Variants in ADGRV1 observed in about 807,000 individuals in gnomAD.
ADGRV1 encodes adhesion G protein-coupled receptor V1, also known as G-protein coupled receptor 98.
A neutral mutation model predicts 596.2 loss-of-function variants in ADGRV1; 359 were observed. The observed-to-expected ratio is 0.60, with a 90% CI of 0.55 to 0.66. ADGRV1 has a LOEUF of 0.66. ADGRV1 is among the 30% of genes least tolerant of loss of function. The pLI is 0.00. For synonymous variants in ADGRV1, 2,681 were observed against 2,679.2 expected (o/e 1.00, Z -0.02); for missense variants, 7,274 against 7,575.6 (o/e 0.96, Z 1.48).
In ADGRV1 at chr5:90,788,062, A is replaced by T; in HGVS notation, c.13654-9A>T. The T allele has an allele frequency of 6.3e-7, 1 of 1,579,676 alleles. No homozygotes were observed. The highest frequency in any genetic ancestry group is 8.6e-7 in the Non-Finnish European group (1 of 1,164,678). ...TTAAAGAAATACCAAAACCAAAAAC[A>T]TCCCGCAGGTGAACTGGGAGACAGT... is the stretch of plus-strand genomic sequence containing the variant. On this transcript the variant is annotated splice_polypyrimidine_tract_variant and intron_variant, in intron 67 of 89. Coordinates refer to ENST00000405460, the MANE Select transcript of ADGRV1 (RefSeq NM_032119.4).
chr5:90,780,668 TTTC>T (rs1416073337), intron 64 of ADGRV1, among the ~76,000 whole-genome samples: 1 of 152,148 alleles, frequency 6.6e-6, no homozygotes, highest in Non-Finnish European at 1.5e-5. Context: ...AATACTTTTC[TTTC>T]TTTTTTATTT....
intron 85 of ADGRV1, among the ~76,000 whole-genome samples, chr5:91,072,108 G>T (rs1428559102): frequency 6.6e-6 from 1 of 152,112 alleles, no homozygotes; most frequent in Non-Finnish European, 1.5e-5. Flanking sequence ...TTGACTCCAT[G>T]ACTTTCTGTG....
chr5:90,892,481 C>T (rs995092872), intron 83 of ADGRV1, among the ~76,000 whole-genome samples: 1 of 151,940 alleles, frequency 6.6e-6, no homozygotes, highest in African/African-American at 2.4e-5. Flanking sequence ...ATCCATTAAT[C>T]AAATACATTT....
chr5:90,701,017 T>G (rs1281592001), intron 34 of ADGRV1, among the ~76,000 whole-genome samples: 1 of 152,156 alleles, frequency 6.6e-6, no homozygotes. Context: ...ATTCATATTC[T>G]TTATCTGCAT....
At chr5:90,911,831 A>G (rs1253038537) in intron 83 of ADGRV1, among the ~76,000 whole-genome samples, 1 of 151,902 alleles carries the variant, frequency 6.6e-6, no homozygotes, top group Non-Finnish European at 1.5e-5. Flanking sequence ...TCTTCCCAGG[A>G]AGTTGATTAA....
intron 86 of ADGRV1, among the ~76,000 whole-genome samples, chr5:91,075,756 G>A (rs941869022): frequency 1.3e-5 from 2 of 152,020 alleles, no homozygotes; most frequent in Non-Finnish European, 2.9e-5. Context: ...AAAATATAAA[G>A]TGGATTTTCT....
chr5:90,996,727 C>T (rs1183908579), intron 85 of ADGRV1, among the ~76,000 whole-genome samples: 1 of 152,206 alleles, frequency 6.6e-6, no homozygotes, highest in Non-Finnish European at 1.5e-5. Context: ...CAATGCCAGC[C>T]CATGAAAGCA....
At chr5:91,059,871 G>A (rs932857120) in intron 85 of ADGRV1, among the ~76,000 whole-genome samples, 1 of 151,856 alleles carries the variant, frequency 6.6e-6, no homozygotes, top group Non-Finnish European at 1.5e-5. Context: ...AACATTGCAG[G>A]ACACATAAAA....
At position 91,153,287 on chromosome 5, in the gene ADGRV1, A is replaced by G. The variant is rs1796209960; in HGVS notation, c.18691A>G (p.Ser6231Gly). The G allele has an allele frequency of 6.2e-7, 1 of 1,610,400 alleles. No individual in the cohort carries two copies. Among genetic ancestry groups the G allele is most frequent in the Non-Finnish European group, 8.5e-7 (1 of 1,178,368 alleles). Reference sequence around the variant, plus strand: ...TCAGGCCAGCCCTGATTTAAAGCCAAGTCCACAAAATGGAGCCACGTTCCC... The same window carrying G: ...TCAGGCCAGCCCTGATTTAAAGCCAGGTCCACAAAATGGAGCCACGTTCCC... ...GSQASPDLKPSPQNGATFPSS... is the reference protein window; with the variant it reads ...GSQASPDLKPGPQNGATFPSS... The change falls in exon 89 of 90, where the codon AGT (serine) becomes GGT (glycine). Residue 6231 changes from serine to glycine, a missense_variant. Ser to Gly is a moderately conservative substitution (Grantham distance 56). This residue lies in a region of ADGRV1 where 1,874 missense variants were observed against 1,970.2 expected (regional missense o/e 0.95). Transcript: ENST00000405460.
At chr5:91,106,895 C>T (rs1293311252) in intron 87 of ADGRV1, among the ~76,000 whole-genome samples, 1 of 152,120 alleles carries the variant, frequency 6.6e-6, no homozygotes, top group African/African-American at 2.4e-5. Flanking sequence ...GGAAGAGAAC[C>T]TGGATAGGGT....
At chr5:91,092,345 C>T (rs773590473) in intron 86 of ADGRV1, among the ~76,000 whole-genome samples, 11 of 152,186 alleles carry the variant, frequency 7.2e-5, no homozygotes, top group African/African-American at 1.7e-4. Flanking sequence ...GTGATCCACC[C>T]GCCTCAGCCT....
intron 75 of ADGRV1, chr5:90,822,271 G>C (rs938890620): frequency 6.5e-6 from 1 of 153,870 alleles, no homozygotes; most frequent in Non-Finnish European, 1.4e-5. Flanking sequence ...GCCCTGGTTC[G>C]GCTCGCGCAC....
At chr5:90,610,924 G>A (rs1762657842) in intron 1 of ADGRV1, among the ~76,000 whole-genome samples, 1 of 151,890 alleles carries the variant, frequency 6.6e-6, no homozygotes, top group South Asian at 2.1e-4. Context: ...GGGAGAACTT[G>A]CCCCAATTAT....
intron 85 of ADGRV1, among the ~76,000 whole-genome samples, chr5:91,028,442 T>C (rs1222282693): frequency 6.6e-6 from 1 of 152,194 alleles, no homozygotes; most frequent in African/African-American, 2.4e-5. Flanking sequence ...AGGCCGACTT[T>C]GATATCCTTA....
intron 85 of ADGRV1, among the ~76,000 whole-genome samples, chr5:90,997,688 G>A (rs539782884): frequency 6.6e-6 from 1 of 152,240 alleles, no homozygotes; most frequent in South Asian, 2.1e-4. Context: ...TTTGATTGGA[G>A]TACAGTGGAA....
At chr5:90,589,473 A>T (rs190350607) in intron 1 of ADGRV1, among the ~76,000 whole-genome samples, 1 of 152,244 alleles carries the variant, frequency 6.6e-6, no homozygotes, top group South Asian at 2.1e-4. Flanking sequence ...GCTGAGAAAG[A>T]AAGTGTGGAA....
At position 90,728,886 on chromosome 5, in the gene ADGRV1, C is replaced by G; in HGVS notation, c.10379C>G (p.Ser3460Cys). The change falls in exon 49 of 90, where the codon TCT becomes TGT. Residue 3460 changes from serine to cysteine, a missense_variant. By Grantham distance (112) the Ser-to-Cys change is moderately radical (BLOSUM62 -1). Coordinates refer to ENST00000405460, the MANE Select transcript of ADGRV1 (RefSeq NM_032119.4). Reference sequence around the variant, plus strand: ...GGGACAACAGAAGTTGAGGCTTTGTCTTCAGCCAATGATATTTACCTAATA... The same window carrying G: ...GGGACAACAGAAGTTGAGGCTTTGTGTTCAGCCAATGATATTTACCTAATA... ...VSGTTEVEAL[S>C]SANDIYLIFA... The G allele has an allele frequency of 6.2e-7, 1 of 1,613,260 alleles. No individual in the cohort carries two copies. The highest frequency in any genetic ancestry group is 8.5e-7 in the Non-Finnish European group (1 of 1,179,604).
At chr5:91,019,683 A>T (rs1265664263) in intron 85 of ADGRV1, among the ~76,000 whole-genome samples, 3 of 151,996 alleles carry the variant, frequency 2.0e-5, no homozygotes, top group Non-Finnish European at 4.4e-5. Flanking sequence ...TAATCCTTAA[A>T]TTCCTGGGAT....
intron 87 of ADGRV1, among the ~76,000 whole-genome samples, chr5:91,133,631 A>T (rs918075465): frequency 1.3e-5 from 2 of 152,226 alleles, no homozygotes; most frequent in Non-Finnish European, 2.9e-5. Flanking sequence ...GAAGATGTGG[A>T]CGACAATGTT....
Sources: gnomAD v4.1 joint callset for allele counts (sites outside exome capture counted in the v4.1 genomes callset) on GRCh38, gnomAD v4.1.1 for gene constraint, gnomAD v4.1.1 regional missense constraint, MANE v1.5 for transcripts, NCBI Gene and HGNC (gene_info 2026-07-23, HGNC 2026-07-21) for gene names.